Variants in LRRC37A2 observed in about 807,000 individuals in gnomAD.
The protein encoded by LRRC37A2 is leucine rich repeat containing 37 member A2, also known as leucine-rich repeat-containing protein 37A2.
LRRC37A2 carries 9 observed loss-of-function variants against 68.8 expected under a neutral mutation model. That is an observed-to-expected ratio of 0.13 (90% CI 0.08 to 0.23). The LOEUF is 0.23. Ranked by LOEUF, LRRC37A2 falls within the 10% of genes least tolerant of loss-of-function variation. The pLI is 1.00. For synonymous variants in LRRC37A2, 63 were observed against 367.6 expected (o/e 0.17, Z 9.48); for missense variants, 168 against 950.4 (o/e 0.18, Z 10.82).
At chr17:46,929,429 T>G in the LRRC37A2 span, 2 of 767,070 alleles carry the variant, frequency 2.6e-6, no homozygotes, top group East Asian at 5.0e-5. Context: ...TTTAAATCAG[T>G]TACATGTTGG....
At chr17:46,889,960 G>A in the LRRC37A2 span, among the ~76,000 whole-genome samples, 1 of 152,142 alleles carries the variant, frequency 6.6e-6, no homozygotes. Flanking sequence ...ATAATGCCTG[G>A]CATATTGTCA....
At chr17:46,869,878 A>C in the LRRC37A2 span, among the ~76,000 whole-genome samples, 2 of 152,106 alleles carry the variant, frequency 1.3e-5, no homozygotes, top group African/African-American at 4.8e-5. Context: ...GCACACCTGT[A>C]GTCCCAGCTA....
the LRRC37A2 span, among the ~76,000 whole-genome samples, chr17:46,593,236 CGTTT>C: frequency 2.7e-4 from 3 of 11,308 alleles, no homozygotes; most frequent in African/African-American, 9.9e-4. Context: ...TTTTTTTGTT[CGTTT>C]GTTTGAGATG....
At chr17:46,753,941 T>G in the LRRC37A2 span, among the ~76,000 whole-genome samples, 1 of 152,190 alleles carries the variant, frequency 6.6e-6, no homozygotes, top group Admixed American at 6.5e-5. Flanking sequence ...GCTATTCTGT[T>G]AAAACTTGCA....
At chr17:47,040,355 C>G in the LRRC37A2 span, among the ~76,000 whole-genome samples, 2 of 151,554 alleles carry the variant, frequency 1.3e-5, no homozygotes, top group Non-Finnish European at 2.9e-5. Context: ...TTTCTCCCCC[C>G]ACCAAGTGTT....
the LRRC37A2 span, among the ~76,000 whole-genome samples, chr17:46,860,038 A>G: frequency 6.6e-6 from 1 of 152,182 alleles, no homozygotes; most frequent in Non-Finnish European, 1.5e-5. Flanking sequence ...AAGGTAAAAG[A>G]AATTTTACTG....
At chr17:47,019,588 C>A in the LRRC37A2 span, 66 of 1,467,190 alleles carry the variant, frequency 4.5e-5, no homozygotes, top group Admixed American at 1.7e-4. Flanking sequence ...GTGCTAGAAC[C>A]TAGTCAGGAT....
At chr17:46,770,008 G>C in the LRRC37A2 span, 1 of 1,590,656 alleles carries the variant, frequency 6.3e-7, no homozygotes, top group Non-Finnish European at 8.6e-7. Context: ...AGGCCACGCC[G>C]GCCGAGGCGA....
At chr17:46,826,492 G>A in the LRRC37A2 span, among the ~76,000 whole-genome samples, 22 of 152,290 alleles carry the variant, frequency 1.4e-4, no homozygotes, top group Admixed American at 7.2e-4. Context: ...AGGCCTGAAT[G>A]GGGATTCACA....
the LRRC37A2 span, among the ~76,000 whole-genome samples, chr17:47,037,870 T>C: frequency 6.6e-6 from 1 of 152,252 alleles, no homozygotes; most frequent in African/African-American, 2.4e-5. Flanking sequence ...CATATCTTTC[T>C]GGTAATGTGT....
At chr17:46,911,494 G>A in the LRRC37A2 span, 1 of 152,250 alleles carries the variant, frequency 6.6e-6, no homozygotes, top group Admixed American at 6.5e-5. Flanking sequence ...AGGAGTCAGT[G>A]AGGCCTAAAT....
In LRRC37A2 at chr17:46,532,951, A is replaced by C. The variant is rs1368235968; in HGVS notation, c.2907-7225A>C. On this transcript the variant is annotated intron_variant, in intron 6 of 14. Transcript: ENST00000576629. ...GCTTATCTCTACAAAAAAAATGTAA[A>C]AGTTAGCTGAACGTGGTGGCACATG... Among the ~76,000 whole-genome samples, 5 of 124,602 alleles carry C rather than the reference A, an allele frequency of 4.0e-5. No individual in the cohort carries two copies. The East Asian group carries it at 1.2e-3, about 29-fold the overall frequency. 81.7% of individuals were successfully genotyped at this position (124,602 alleles called of 152,430 possible).
the LRRC37A2 span, among the ~76,000 whole-genome samples, chr17:46,938,165 T>C: frequency 6.6e-6 from 1 of 150,522 alleles, no homozygotes; most frequent in East Asian, 2.0e-4. Context: ...GCCTGGCCTG[T>C]TTGCAGTTTT....
chr17:46,753,135 G>A, the LRRC37A2 span, among the ~76,000 whole-genome samples: 8 of 152,194 alleles, frequency 5.3e-5, no homozygotes, highest in Non-Finnish European at 1.2e-4. Context: ...CAGAGTGGCT[G>A]TATTCTAGGC....
At chr17:46,911,294 C>T in the LRRC37A2 span, 1 of 152,288 alleles carries the variant, frequency 6.6e-6, no homozygotes, top group East Asian at 1.9e-4. Flanking sequence ...TTTCTACTAT[C>T]CCACATCTTA....
the LRRC37A2 span, among the ~76,000 whole-genome samples, chr17:46,707,739 T>TC: frequency 2.6e-5 from 4 of 152,152 alleles, no homozygotes; most frequent in East Asian, 7.7e-4. Context: ...TGGATAATAC[T>TC]CCATTATATG....
At chr17:46,906,437 A>G in the LRRC37A2 span, among the ~76,000 whole-genome samples, 3 of 152,238 alleles carry the variant, frequency 2.0e-5, no homozygotes, top group African/African-American at 7.2e-5. Context: ...AATTTATTTA[A>G]GAGACATGAT....
the LRRC37A2 span, among the ~76,000 whole-genome samples, chr17:46,776,311 G>A: frequency 3.9e-5 from 6 of 152,232 alleles, no homozygotes; most frequent in African/African-American, 9.6e-5. Context: ...GCCCTGATGG[G>A]CACACGGCGC....
the LRRC37A2 span, among the ~76,000 whole-genome samples, chr17:46,902,504 G>A: frequency 1.3e-5 from 2 of 151,944 alleles, no homozygotes; most frequent in East Asian, 3.9e-4. Flanking sequence ...TAGAGACAGA[G>A]AGAGAGACAA....
Sources: allele counts gnomAD v4.1 joint callset (sites outside exome capture counted in the v4.1 genomes callset), GRCh38; gene constraint gnomAD v4.1.1; transcripts MANE v1.5; gene names NCBI Gene and HGNC (gene_info 2026-07-23, HGNC 2026-07-21).